Variants in GLMN observed in about 807,000 individuals in gnomAD.
GLMN encodes the protein glomulin.
Under a neutral mutation model 87.8 loss-of-function variants are expected in GLMN, and 75 were observed. The observed-to-expected ratio is 0.85, with a 90% CI of 0.71 to 1.04. The LOEUF is 1.04. Ranked by LOEUF, GLMN falls within the 50% of genes least tolerant of loss-of-function variation. The probability of loss-of-function intolerance (pLI) is 0.00; values close to 1 mark genes in which losing one functional copy is unlikely to be tolerated. For synonymous variants in GLMN, 206 were observed against 221.6 expected, an observed-to-expected ratio of 0.93 and a Z score of 0.63; for missense variants, 588 against 658.8, an observed-to-expected ratio of 0.89 and a Z score of 1.18.
At chr1:92,303,318 C>T (rs1650991185), upstream of GLMN, among the ~76,000 whole-genome samples, 2 of 152,150 alleles carry the variant, frequency 1.3e-5, no homozygotes, top group African/African-American at 4.8e-5. Context: ...ATAAAACTTA[C>T]ATCACTCTCA....
the GLMN span, among the ~76,000 whole-genome samples, chr1:92,357,641 T>C: frequency 6.6e-6 from 1 of 152,292 alleles, no homozygotes; most frequent in Admixed American, 6.5e-5. Context: ...AAGTGATTCT[T>C]GTGCCTCATC....
At chr1:92,345,810 G>A in the GLMN span, 1 of 1,277,788 alleles carries the variant, frequency 7.8e-7, no homozygotes, top group African/African-American at 1.5e-5. Flanking sequence ...TTATTTAAAG[G>A]TAACACTCCT....
At chr1:92,348,727 T>C in the GLMN span, among the ~76,000 whole-genome samples, 1 of 152,198 alleles carries the variant, frequency 6.6e-6, no homozygotes, top group Non-Finnish European at 1.5e-5. Context: ...AATACTACTG[T>C]ACAAGTTAGG....
the GLMN span, among the ~76,000 whole-genome samples, chr1:92,305,336 G>C: frequency 6.6e-6 from 1 of 150,640 alleles, no homozygotes; most frequent in East Asian, 2.0e-4. Context: ...GGGAGGCTGA[G>C]GCAGGAGAAT....
At position 92,263,637 on chromosome 1, in the gene GLMN, C is replaced by A. The variant is rs776338743; in HGVS notation, c.1395G>T (p.Leu465=). ...GGTCACCTCACCTATCTGAGTTTTG[C>A]AGTAAATCTGTTTCTGCACCCTCTG... ...FLPEGAETDL[L]QNSDRIMASL... The change falls in exon 15 of 19, where the codon CTG becomes CTT. Residue 465 remains leucine (L), a synonymous_variant. Coordinates refer to ENST00000370360, the MANE Select transcript of GLMN (RefSeq NM_053274.3). 6.7e-7 allele frequency: 1 copy of A among 1,489,880 alleles called. No homozygotes were observed. The highest frequency in any genetic ancestry group is 9.4e-7 in the Non-Finnish European group (1 of 1,066,548). The allele number at this position is 1,489,880 out of a possible 1,614,324, so 92.3% of individuals were successfully genotyped here.
the GLMN span, chr1:92,304,353 A>G: frequency 6.8e-7 from 1 of 1,481,346 alleles, no homozygotes; most frequent in South Asian, 1.2e-5. Context: ...AAGAAAGGTG[A>G]GTTTAAAGGC....
the GLMN span, among the ~76,000 whole-genome samples, chr1:92,332,792 G>A: frequency 1.3e-5 from 2 of 152,084 alleles, no homozygotes; most frequent in African/African-American, 4.8e-5. Context: ...TAGAAAAACT[G>A]CTCAATTTCT....
the GLMN span, chr1:92,333,288 C>T: frequency 1.4e-5 from 12 of 851,782 alleles, no homozygotes; most frequent in African/African-American, 1.2e-4. Context: ...TCCTACTGTG[C>T]CACAGATACA....
At chr1:92,328,379 G>C in the GLMN span, among the ~76,000 whole-genome samples, 1 of 152,088 alleles carries the variant, frequency 6.6e-6, no homozygotes, top group South Asian at 2.1e-4. Flanking sequence ...GTTGGACTGG[G>C]TTAATTCAAA....
chr1:92,347,315 C>T, the GLMN span, among the ~76,000 whole-genome samples: 1 of 152,056 alleles, frequency 6.6e-6, no homozygotes, highest in African/African-American at 2.4e-5. Flanking sequence ...ATATTTTGGT[C>T]ACTGGCAAAG....
intron 7 of GLMN, among the ~76,000 whole-genome samples, chr1:92,274,488 T>G (rs188451249): frequency 2.6e-5 from 4 of 152,320 alleles, no homozygotes; most frequent in African/African-American, 9.6e-5. Context: ...TGACATTCAC[T>G]GAAGACTCTG....
the GLMN span, among the ~76,000 whole-genome samples, chr1:92,348,105 G>A: frequency 2.0e-5 from 3 of 152,160 alleles, no homozygotes; most frequent in African/African-American, 7.2e-5. Context: ...TGGTCAGGCT[G>A]GTCTCGAACT....
At chr1:92,302,483 A>G (rs1355669630), upstream of GLMN, among the ~76,000 whole-genome samples, 5 of 151,864 alleles carry the variant, frequency 3.3e-5, no homozygotes, top group African/African-American at 1.2e-4. Flanking sequence ...GTAACAGAAG[A>G]ATATTATTTT....
the GLMN span, chr1:92,323,788 C>T: frequency 6.2e-7 from 1 of 1,614,104 alleles, no homozygotes; most frequent in South Asian, 1.1e-5. Context: ...TACATGTGAA[C>T]TTCCTTTACA....
chr1:92,333,002 T>C, the GLMN span, among the ~76,000 whole-genome samples: 1 of 152,134 alleles, frequency 6.6e-6, no homozygotes, highest in Non-Finnish European at 1.5e-5. Flanking sequence ...CTAGAATGGT[T>C]AGGGGTCAAA....
chr1:92,275,508 C>T (rs905294784), intron 7 of GLMN, among the ~76,000 whole-genome samples: 11 of 152,168 alleles, frequency 7.2e-5, no homozygotes, highest in African/African-American at 2.7e-4. Context: ...CAAGTCTTCC[C>T]ACCTCCATTA....
chr1:92,363,925 T>C, the GLMN span, among the ~76,000 whole-genome samples: 2 of 152,210 alleles, frequency 1.3e-5, no homozygotes, highest in African/African-American at 4.8e-5. Context: ...CTGCTTATGT[T>C]GTCTCTAAGG....
intron 16 of GLMN, among the ~76,000 whole-genome samples, chr1:92,251,426 TATCTC>T (rs1158349333): frequency 2.0e-5 from 3 of 152,082 alleles, no homozygotes; most frequent in East Asian, 3.8e-4. Context: ...TCTCAACCCA[TATCTC>T]ATATCATAAA....
At position 92,269,765 on chromosome 1, in the gene GLMN, AG is replaced by A; in HGVS notation, c.934del (p.Leu312PhefsTer33). 1 of 1,603,414 alleles carries A rather than the reference AG, an allele frequency of 6.2e-7. No homozygotes were observed. Among genetic ancestry groups the A allele is most frequent in the African/African-American group, 1.3e-5 (1 of 74,842 alleles). On this transcript the variant is annotated frameshift_variant, in exon 9 of 19. Transcript: ENST00000370360. LOFTEE classifies it high-confidence loss of function. ...AATGTGCCCCATATTAAACTGCAAA[AG>A]GTACAATGGGCTAAAATAGAAACAA... ...QLPMVLSPLY[L>X]LQFNMGHIEV...
Sources: allele counts gnomAD v4.1 joint callset (sites outside exome capture counted in the v4.1 genomes callset), GRCh38; gene constraint gnomAD v4.1.1; transcripts MANE v1.5; gene names NCBI Gene and HGNC (gene_info 2026-07-23, HGNC 2026-07-21).